Variants in OSBPL3 observed in about 807,000 individuals in gnomAD.
The protein encoded by OSBPL3 is oxysterol-binding protein-related protein 3.
Under a neutral mutation model 120.1 loss-of-function variants are expected in OSBPL3, and 65 were observed. That is an observed-to-expected ratio of 0.54 (90% CI 0.44 to 0.67). The LOEUF (loss-of-function observed/expected upper bound fraction) is 0.67. OSBPL3 is among the 30% of genes least tolerant of loss of function. The pLI is 0.00. For missense variants in OSBPL3, 1,004 were observed against 1,082.1 expected, an observed-to-expected ratio of 0.93 and a Z score of 1.01; for synonymous variants, 416 against 402.6, an observed-to-expected ratio of 1.03 and a Z score of -0.40.
At position 24,849,161 on chromosome 7, in the gene OSBPL3, T is replaced by A; in HGVS notation, c.1174A>T (p.Thr392Ser). The change falls in exon 12 of 23, where the codon ACA becomes TCA. Residue 392 changes from threonine to serine, a missense_variant. Physicochemically the swap from Thr to Ser is moderately conservative, Grantham distance 58 (BLOSUM62 1). This residue lies in a region of OSBPL3 where 272 missense variants were observed against 248.8 expected (regional missense o/e 1.09). Transcript: ENST00000313367. The surrounding 1 kb of genome is among the most constrained non-coding windows in gnomAD (Gnocchi z 5.4). Reference sequence around the variant, plus strand: ...CTGCGTAAGCGTTCTTTAAGATCTGTGTTTTGTGCTAGGGCCTGGAACATG... The same window carrying A: ...CTGCGTAAGCGTTCTTTAAGATCTGAGTTTTGTGCTAGGGCCTGGAACATG... ...NALSSALAQN[T>S]DLKERLRRIH... 6.2e-7 allele frequency: 1 copy of A among 1,613,626 alleles called. No individual in the cohort carries two copies. Among genetic ancestry groups the A allele is most frequent in the Non-Finnish European group, 8.5e-7 (1 of 1,179,604 alleles).
chr7:24,816,922 G>A (rs1794546158), intron 17 of OSBPL3, among the ~76,000 whole-genome samples: 2 of 152,322 alleles, frequency 1.3e-5, no homozygotes, highest in South Asian at 4.1e-4. Context: ...TGCGAGAAGT[G>A]AAAACAAGTA....
intron 1 of OSBPL3, among the ~76,000 whole-genome samples, chr7:24,961,555 A>G (rs1170267645): frequency 6.6e-6 from 1 of 152,118 alleles, no homozygotes; most frequent in African/African-American, 2.4e-5. Context: ...GAGAGCTGCC[A>G]TGCCCCATCC....
rs1361492334 is a variant in OSBPL3, at chr7:24,922,896, C to T, written c.-149-30275G>A. 6.6e-6 allele frequency among the ~76,000 whole-genome samples: 1 copy of T among 151,596 alleles called. No individual in the cohort carries two copies. Among genetic ancestry groups the T allele is most frequent in the African/African-American group, 2.4e-5 (1 of 41,162 alleles). ...CAAAGCAAGCTTATTACTTTAGGGT[C>T]GATGCAGCAAACAAACAAAAAAGCA... On this transcript the variant is annotated intron_variant, in intron 1 of 22. Coordinates refer to ENST00000313367, the MANE Select transcript of OSBPL3 (RefSeq NM_015550.4). The surrounding 1 kb of genome is among the most constrained non-coding windows in gnomAD (Gnocchi z 4.3).
rs2128253025 is a variant in OSBPL3 at position 24,863,129 on chromosome 7, T to C, written c.870+71A>G. The C allele has an allele frequency of 9.6e-7, 1 of 1,046,314 alleles. No homozygotes were observed. The highest frequency in any genetic ancestry group is 1.3e-5 in the South Asian group (1 of 79,152). 64.8% of individuals were successfully genotyped at this position (1,046,314 alleles called of 1,614,324 possible). On this transcript the variant is annotated intron_variant, in intron 9 of 22. Transcript: ENST00000313367. The surrounding 1 kb of genome is among the most constrained non-coding windows in gnomAD (Gnocchi z 5.8). ...ATCTATTCTCCTAGCTGAGTCAAGG[T>C]AGCTGCTGGCACACGGCATGCAGAG...
chr7:24,820,264 C>CA lies in OSBPL3; in HGVS notation c.1885-27dup, dbSNP rs747488741. 21 of 1,566,274 alleles carry CA rather than the reference C, an allele frequency of 1.3e-5. No individual in the cohort carries two copies. The highest frequency in any genetic ancestry group is 1.8e-5 in the Non-Finnish European group (21 of 1,140,428). ...CTGATGGAAACAAAGGACAGAAAAA[C>CA]AAAAAATGAATGAACTTTTGTGTCT... On this transcript the variant is annotated intron_variant, in intron 16 of 22. Transcript: ENST00000313367. This position sits in a 1 kb window ranked among gnomAD's most constrained non-coding sequence, Gnocchi z 4.6.
At chr7:24,920,321 G>A (rs892983072) in intron 1 of OSBPL3, among the ~76,000 whole-genome samples, 1 of 152,162 alleles carries the variant, frequency 6.6e-6, no homozygotes, top group Non-Finnish European at 1.5e-5. Flanking sequence ...GAATTAAATA[G>A]TGAGTCATGC....
At position 24,827,412 on chromosome 7, in the gene OSBPL3, A is replaced by G. The variant is rs1795839052; in HGVS notation, c.1884+3356T>C. Among the ~76,000 whole-genome samples the G allele has an allele frequency of 6.6e-6, 1 of 152,312 alleles. No individual in the cohort carries two copies. The highest frequency in any genetic ancestry group is 2.4e-5 in the African/African-American group (1 of 41,574). On this transcript the variant is annotated intron_variant, in intron 16 of 22. Transcript: ENST00000313367. This position sits in a 1 kb window ranked among gnomAD's most constrained non-coding sequence, Gnocchi z 5.1. Reference sequence around the variant, plus strand: ...CTGAGCTGATAGGCTCCTGCTGGCCAGGGAAAGGGAGGCCCTGGCCCTACA... The same window carrying G: ...CTGAGCTGATAGGCTCCTGCTGGCCGGGGAAAGGGAGGCCCTGGCCCTACA...
rs1469143995 is a variant in OSBPL3 at position 24,822,261 on chromosome 7, G to A, written c.1885-2023C>T. Among the ~76,000 whole-genome samples the A allele has an allele frequency of 1.3e-4, 20 of 152,106 alleles. No individual in the cohort carries two copies. Among genetic ancestry groups the A allele is most frequent in the Middle Eastern group, 3.4e-3 (1 of 294 alleles). ...TCCTTTTCTTCACTAGCTGTCTTTC[G>A]ATGAAAACAACGGAGCTAGCTTTGA... On this transcript the variant is annotated intron_variant, in intron 16 of 22. Coordinates refer to ENST00000313367, the MANE Select transcript of OSBPL3 (RefSeq NM_015550.4). The surrounding 1 kb of genome is among the most constrained non-coding windows in gnomAD (Gnocchi z 5.8).
chr7:24,892,646 G>A, intron 1 of OSBPL3, 25 bp from the exon 2 acceptor site: 2 of 1,329,594 alleles, frequency 1.5e-6, no homozygotes, highest in African/African-American at 1.5e-5. Context: ...TTAGAAAGAA[G>A]GTCAGAGGCA....
chr7:24,978,200 A>C (rs1817797110), intron 1 of OSBPL3, among the ~76,000 whole-genome samples: 1 of 152,262 alleles, frequency 6.6e-6, no homozygotes. Flanking sequence ...TAATGCGGTA[A>C]TGTACAAAAG....
intron 1 of OSBPL3, among the ~76,000 whole-genome samples, chr7:24,892,943 A>G (rs1462987696): frequency 6.6e-6 from 1 of 152,248 alleles, no homozygotes; most frequent in Non-Finnish European, 1.5e-5. Context: ...GATAGCTATA[A>G]TAATTTTTTT....
At chr7:24,859,746 G>A (rs1800269787) in intron 10 of OSBPL3, among the ~76,000 whole-genome samples, 1 of 152,138 alleles carries the variant, frequency 6.6e-6, no homozygotes, top group South Asian at 2.1e-4. Context: ...TTCGCAGGCT[G>A]CAGCTAGAAT....
intron 1 of OSBPL3, among the ~76,000 whole-genome samples, chr7:24,960,747 C>T (rs1044569344): frequency 6.6e-6 from 1 of 152,160 alleles, no homozygotes; most frequent in Non-Finnish European, 1.5e-5. Context: ...AAAGGAAACA[C>T]AAAAAGATAA....
At chr7:24,884,834 T>G (rs896982984) in intron 2 of OSBPL3, among the ~76,000 whole-genome samples, 1 of 152,184 alleles carries the variant, frequency 6.6e-6, no homozygotes, top group Admixed American at 6.5e-5. Flanking sequence ...TCCTCTTCTA[T>G]GATCATCATA....
intron 1 of OSBPL3, among the ~76,000 whole-genome samples, chr7:24,915,647 C>T (rs956436669): frequency 1.5e-4 from 23 of 151,376 alleles, no homozygotes; most frequent in Admixed American, 6.6e-4. Context: ...AATCTTGGCT[C>T]ACTGCAGCCT....
At chr7:24,975,945 T>C (rs922108760) in intron 1 of OSBPL3, among the ~76,000 whole-genome samples, 4 of 152,158 alleles carry the variant, frequency 2.6e-5, no homozygotes, top group African/African-American at 9.7e-5. Context: ...CAAAACGCTT[T>C]GTTGATTAAT....
At position 24,818,328 on chromosome 7, in the gene OSBPL3, G is replaced by A. The variant is rs1562770780; in HGVS notation, c.1949-1640C>T. ...GAATGATATGGTATATAAGTTATAT[G>A]TTCATAAAATTGTTACCAAGAGAAA... On this transcript the variant is annotated intron_variant, in intron 17 of 22. Coordinates refer to ENST00000313367, the MANE Select transcript of OSBPL3 (RefSeq NM_015550.4). The surrounding 1 kb of genome is among the most constrained non-coding windows in gnomAD (Gnocchi z 4.0). Among the ~76,000 whole-genome samples, 1 of 152,032 alleles carries A rather than the reference G, an allele frequency of 6.6e-6. No homozygotes were observed. The highest frequency in any genetic ancestry group is 1.5e-5 in the Non-Finnish European group (1 of 68,030).
rs1795852473 is a variant in OSBPL3 at position 24,827,538 on chromosome 7, T to A, written c.1884+3230A>T. The stretch of plus-strand genomic sequence containing the variant: ...TTAGGATTCTCATTGGCTTCCCAAG[T>A]AATCTGCCTATGGGAAAATCATACC... On this transcript the variant is annotated intron_variant, in intron 16 of 22. Coordinates refer to ENST00000313367, the MANE Select transcript of OSBPL3 (RefSeq NM_015550.4). This position sits in a 1 kb window ranked among gnomAD's most constrained non-coding sequence, Gnocchi z 5.1. Among the ~76,000 whole-genome samples, 1 of 152,258 alleles carries A rather than the reference T, an allele frequency of 6.6e-6. No homozygotes were observed. The highest frequency in any genetic ancestry group is 1.5e-5 in the Non-Finnish European group (1 of 68,044).
At chr7:24,901,204 G>A (rs1482243216) in intron 1 of OSBPL3, among the ~76,000 whole-genome samples, 1 of 151,644 alleles carries the variant, frequency 6.6e-6, no homozygotes, top group East Asian at 1.9e-4. Flanking sequence ...GCAGGCGCCT[G>A]TAATCCCAGC....
Sources: gnomAD v4.1 joint callset for allele counts (sites outside exome capture counted in the v4.1 genomes callset) on GRCh38, gnomAD v4.1.1 for gene constraint, gnomAD v4.1.1 regional missense constraint, Gnocchi (gnomAD v3.1) non-coding constraint, MANE v1.5 for transcripts, NCBI Gene and HGNC (gene_info 2026-07-23, HGNC 2026-07-21) for gene names.